The following PTPN14 variants were observed in gnomAD, a reference collection of about 807,000 sequenced individuals.
The protein encoded by PTPN14 is protein tyrosine phosphatase non-receptor type 14.
PTPN14 carries 53 observed loss-of-function variants against 126.8 expected under a neutral mutation model. The observed-to-expected ratio is 0.42, with a 90% CI of 0.34 to 0.53. The LOEUF (loss-of-function observed/expected upper bound fraction) is 0.53. Among genes scored for constraint, PTPN14 ranks in the 20% least tolerant of loss-of-function variants. The probability of loss-of-function intolerance (pLI) is 0.08; values close to 1 mark genes in which losing one functional copy is unlikely to be tolerated. For missense variants in PTPN14, 1,257 were observed against 1,552.9 expected, an observed-to-expected ratio of 0.81 and a Z score of 3.20; for synonymous variants, 630 against 599.3, an observed-to-expected ratio of 1.05 and a Z score of -0.75.
In PTPN14 at chr1:214,353,306, C is replaced by T. The variant is rs1657741887; in HGVS notation, c.*4616G>A. 1 of 152,210 alleles carries T rather than the reference C, an allele frequency of 6.6e-6. No homozygotes were observed. The highest frequency in any genetic ancestry group is 1.5e-5 in the Non-Finnish European group (1 of 68,042). 9.4% of individuals were successfully genotyped at this position (152,210 alleles called of 1,614,324 possible). On this transcript the variant is annotated 3_prime_UTR_variant, in exon 19 of 19. Coordinates refer to ENST00000366956, the MANE Select transcript of PTPN14 (RefSeq NM_005401.5). Reference sequence around the variant, plus strand: ...AATCATCTCTAGATTATTTACAATACCTAACTCAATGCCTACACATCACTT... The same window carrying T: ...AATCATCTCTAGATTATTTACAATATCTAACTCAATGCCTACACATCACTT...
chr1:214,427,276 CAAAAAA>C (rs5741915), intron 3 of PTPN14, among the ~76,000 whole-genome samples: 63 of 65,216 alleles, frequency 9.7e-4, no homozygotes, highest in Non-Finnish European at 9.7e-4. Flanking sequence ...GTCTCCATCT[CAAAAAA>C]AAAAAAAAAA....
chr1:214,370,386 C>G (rs546155286), intron 16 of PTPN14, among the ~76,000 whole-genome samples: 2 of 152,130 alleles, frequency 1.3e-5, no homozygotes, highest in Admixed American at 6.5e-5. Context: ...GCCTCACAGT[C>G]CATGGTGGAA....
At chr1:214,397,766 C>G (rs1324659402) in intron 8 of PTPN14, 147 bp downstream of exon 8, 1 of 597,428 alleles carries the variant, frequency 1.7e-6, no homozygotes, top group Non-Finnish European at 2.8e-6. Context: ...CTGCTTAAAT[C>G]CTGCAGAGGG....
chr1:214,549,303 G>C (rs1364123666), intron 1 of PTPN14, among the ~76,000 whole-genome samples: 1 of 152,186 alleles, frequency 6.6e-6, no homozygotes, highest in Non-Finnish European at 1.5e-5. Context: ...GGCAGGATTT[G>C]CTGAATCCTG....
At chr1:214,522,331 G>C (rs1181316123) in intron 1 of PTPN14, among the ~76,000 whole-genome samples, 1 of 152,158 alleles carries the variant, frequency 6.6e-6, no homozygotes, top group Admixed American at 6.5e-5. Flanking sequence ...ATGGAATATG[G>C]AAACCTACGG....
intron 15 of PTPN14, among the ~76,000 whole-genome samples, chr1:214,373,239 A>C (rs1029853441): frequency 2.6e-5 from 4 of 152,072 alleles, no homozygotes; most frequent in African/African-American, 9.7e-5. Context: ...ATTTTTGTAG[A>C]GATGGCGTTT....
chr1:214,453,657 T>C (rs1428098197), intron 2 of PTPN14, among the ~76,000 whole-genome samples: 1 of 152,050 alleles, frequency 6.6e-6, no homozygotes, highest in African/African-American at 2.4e-5. Context: ...GCCACCACCA[T>C]CATCATCATC....
In PTPN14 at chr1:214,386,749, A is replaced by G. The variant is rs971592452; in HGVS notation, c.1066+95T>C. 12 of 1,251,074 alleles carry G rather than the reference A, an allele frequency of 9.6e-6. No homozygotes were observed. The Admixed American group carries it at 2.1e-4, about 22-fold the overall frequency. The allele number at this position is 1,251,074 out of a possible 1,614,324, so 77.5% of individuals were successfully genotyped here. A position where few individuals can be genotyped will look rare whatever the true frequency, so the allele number is the denominator to read the frequency against. Reference sequence around the variant, plus strand: ...TCAGACGATGACAAAGTTGAAAAGAAAGCATCCCTGTCATCTTTTTTTTAA... The same window carrying G: ...TCAGACGATGACAAAGTTGAAAAGAGAGCATCCCTGTCATCTTTTTTTTAA... On this transcript the variant is annotated intron_variant, in intron 12 of 18. Coordinates refer to ENST00000366956, the MANE Select transcript of PTPN14 (RefSeq NM_005401.5).
At position 214,509,116 on chromosome 1, in the gene PTPN14, AG is replaced by A. The variant is rs552901726; in HGVS notation, c.-155+42066del. Among the ~76,000 whole-genome samples the A allele has an allele frequency of 2.1e-3, 327 of 152,356 alleles. 2 individuals are homozygous for A. The highest frequency in any genetic ancestry group is 7.5e-3 in the African/African-American group (313 of 41,584). ...TCAACTTAAAGTCATCAGCTGCAAT[AG>A]CCCCTAAGAAGAAAGTCAGCCTGTC... On this transcript the variant is annotated intron_variant, in intron 1 of 18. Coordinates refer to ENST00000366956, the MANE Select transcript of PTPN14 (RefSeq NM_005401.5).
At chr1:214,507,527 C>A (rs1211751882) in intron 1 of PTPN14, among the ~76,000 whole-genome samples, 4 of 152,194 alleles carry the variant, frequency 2.6e-5, no homozygotes, top group Non-Finnish European at 5.9e-5. Flanking sequence ...CACCTTTTAA[C>A]AATGAAACTA....
intron 13 of PTPN14, among the ~76,000 whole-genome samples, chr1:214,381,515 T>C (rs1303977789): frequency 6.6e-6 from 1 of 152,228 alleles, no homozygotes; most frequent in African/African-American, 2.4e-5. Flanking sequence ...AAAAGTCATA[T>C]CTGTATAAAA....
chr1:214,449,005 A>ATTTTTTT (rs1229828407), intron 3 of PTPN14, among the ~76,000 whole-genome samples: 1 of 97,692 alleles, frequency 1.0e-5, no homozygotes, highest in Non-Finnish European at 1.9e-5. Context: ...GTAAGACTTA[A>ATTTTTTT]TTTTTCTTTT....
chr1:214,452,734 AC>A (rs2102636036), intron 2 of PTPN14, among the ~76,000 whole-genome samples: 1 of 152,358 alleles, frequency 6.6e-6, no homozygotes, highest in South Asian at 2.1e-4. Context: ...TAAAACAGGT[AC>A]TTTTATGCAC....
intron 1 of PTPN14, among the ~76,000 whole-genome samples, chr1:214,541,037 T>C (rs73079755): frequency 0.017 from 2,655 of 152,100 alleles, 24 homozygotes; most frequent in South Asian, 0.033. Context: ...CAAGTATAAA[T>C]AAATTACAAA....
intron 1 of PTPN14, among the ~76,000 whole-genome samples, chr1:214,517,762 T>G (rs907239753): frequency 6.6e-6 from 1 of 152,012 alleles, no homozygotes; most frequent in Non-Finnish European, 1.5e-5. Flanking sequence ...CTGGCCAACA[T>G]AGCGAAACTG....
At chr1:214,378,821 A>G (rs970452158) in intron 13 of PTPN14, among the ~76,000 whole-genome samples, 3 of 152,156 alleles carry the variant, frequency 2.0e-5, no homozygotes, top group African/African-American at 7.2e-5. Context: ...TCCCAACACA[A>G]ATGGTGGGAC....
At chr1:214,366,438 T>C (rs1441114869) in intron 17 of PTPN14, among the ~76,000 whole-genome samples, 1 of 152,220 alleles carries the variant, frequency 6.6e-6, no homozygotes, top group Non-Finnish European at 1.5e-5. Context: ...CACTTTCAAA[T>C]AGAGCTTTTC....
Position 214,448,514 on chromosome 1 carries a change from G to C in PTPN14, c.344+3291C>G, listed in dbSNP as rs151007978. Among the ~76,000 whole-genome samples, 387 of 152,100 alleles carry C rather than the reference G, an allele frequency of 2.5e-3. 4 individuals are homozygous for C. Among genetic ancestry groups the C allele is most frequent in the African/African-American group, 9.1e-3 (378 of 41,488 alleles). On this transcript the variant is annotated intron_variant, in intron 3 of 18. Transcript: ENST00000366956. ...CCGCCTCGGTCTCCCAAAGTGCTGG[G>C]ATTACAGGCGTGAGCCACCGTGTGT...
At chr1:214,403,312 G>C (rs1054693067) in intron 5 of PTPN14, among the ~76,000 whole-genome samples, 1 of 152,172 alleles carries the variant, frequency 6.6e-6, no homozygotes, top group Non-Finnish European at 1.5e-5. Context: ...TTGGGGTATA[G>C]GCCAATGAGT....
Sources: allele counts gnomAD v4.1 joint callset (sites outside exome capture counted in the v4.1 genomes callset), GRCh38; gene constraint gnomAD v4.1.1; transcripts MANE v1.5; gene names NCBI Gene and HGNC (gene_info 2026-07-23, HGNC 2026-07-21).